The following AGPAT4 variants were observed in gnomAD, a reference collection of about 807,000 sequenced individuals.
AGPAT4 encodes 1-acylglycerol-3-phosphate O-acyltransferase 4.
Under a neutral mutation model 48.0 loss-of-function variants are expected in AGPAT4, and 15 were observed. That is an observed-to-expected ratio of 0.31 (90% confidence interval 0.21 to 0.48). AGPAT4 has a LOEUF of 0.48. AGPAT4 is among the 20% of genes least tolerant of loss of function. The pLI is 0.99. For synonymous variants in AGPAT4, 178 were observed against 198.7 expected (o/e 0.90, Z 0.88); for missense variants, 314 against 482.5 (o/e 0.65, Z 3.27).
intron 2 of AGPAT4, among the ~76,000 whole-genome samples, chr6:161,168,884 T>C (rs1780187445): frequency 6.6e-6 from 1 of 152,152 alleles, no homozygotes; most frequent in African/African-American, 2.4e-5. Flanking sequence ...TTCTGGCATG[T>C]TTCTCAATGT....
At chr6:161,209,946 T>C (rs774518888) in intron 2 of AGPAT4, among the ~76,000 whole-genome samples, 8 of 152,156 alleles carry the variant, frequency 5.3e-5, no homozygotes, top group Non-Finnish European at 1.2e-4. Flanking sequence ...TGTTTTGTTT[T>C]GACTAAAATA....
rs1348277752 is a variant in AGPAT4, at chr6:161,131,148, T to C, written c.*5392A>G. Reference sequence around the variant, plus strand: ...TCCAATATGTAAAACAAGACTGCCTTGTTTTAAAAAAACAAATTAAATGTA... The same window carrying C: ...TCCAATATGTAAAACAAGACTGCCTCGTTTTAAAAAAACAAATTAAATGTA... On this transcript the variant is annotated 3_prime_UTR_variant, in exon 9 of 9. Coordinates refer to ENST00000320285, the MANE Select transcript of AGPAT4 (RefSeq NM_020133.3). 7 of 290,478 alleles carry C rather than the reference T, an allele frequency of 2.4e-5. No individual in the cohort carries two copies. The highest frequency in any genetic ancestry group is 1.5e-4 in the African/African-American group (7 of 45,948). The allele number at this position is 290,478 out of a possible 1,614,324, so 18.0% of individuals were successfully genotyped here.
Position 161,136,436 on chromosome 6 carries a change from C to T in AGPAT4, c.*104G>A. The stretch of plus-strand genomic sequence containing the variant: ...GGAGAGGTCGTGACTTCCGCCGTGC[C>T]CAGCAGGGGCTCACCCAGCCTTTGT... On this transcript the variant is annotated 3_prime_UTR_variant, in exon 9 of 9. Coordinates refer to ENST00000320285, the MANE Select transcript of AGPAT4 (RefSeq NM_020133.3). 1 of 1,044,050 alleles carries T rather than the reference C, an allele frequency of 9.6e-7. No homozygotes were observed. The highest frequency in any genetic ancestry group is 1.6e-5 in the African/African-American group (1 of 64,174). The allele number at this position is 1,044,050 out of a possible 1,614,324, so 64.7% of individuals were successfully genotyped here. A position where few individuals can be genotyped will look rare whatever the true frequency, so the allele number is the denominator to read the frequency against.
At chr6:161,228,618 C>T (rs1351229287) in intron 2 of AGPAT4, among the ~76,000 whole-genome samples, 2 of 119,874 alleles carry the variant, frequency 1.7e-5, no homozygotes, top group African/African-American at 3.5e-5. Context: ...ATAGATTCTC[C>T]TAATCTTTCT....
Position 161,251,965 on chromosome 6 carries a change from A to G in AGPAT4, c.-89-19663T>C, listed in dbSNP as rs1582910338. Among the ~76,000 whole-genome samples, 2 of 152,166 alleles carry G rather than the reference A, an allele frequency of 1.3e-5. No individual in the cohort carries two copies. The highest frequency in any genetic ancestry group is 1.9e-4 in the East Asian group (1 of 5,176). On this transcript the variant is annotated intron_variant, in intron 1 of 8. Coordinates refer to ENST00000320285, the MANE Select transcript of AGPAT4 (RefSeq NM_020133.3). This position sits in a 1 kb window ranked among gnomAD's most constrained non-coding sequence, Gnocchi z 4.6. ...TATGCTGGAGAGTATAATTTTTTGAATTTTTGCATGAGTGAAAAATCAGAC... is the reference window on the plus strand; with the variant it reads ...TATGCTGGAGAGTATAATTTTTTGAGTTTTTGCATGAGTGAAAAATCAGAC...
rs1448407705 is a variant in AGPAT4 at position 161,274,049 on chromosome 6, GGA to G, written c.-203_-202del. 6.6e-6 allele frequency: 1 copy of G among 150,750 alleles called. No homozygotes were observed. Among genetic ancestry groups the G allele is most frequent in the Non-Finnish European group, 1.5e-5 (1 of 67,804 alleles). 9.3% of individuals were successfully genotyped at this position (150,750 alleles called of 1,614,324 possible). ...TAAGAGCTGTAAGTCAGCCAACACT[GGA>G]AAGAAAAAGCGAGACTCCACCCATG... is the stretch of plus-strand genomic sequence containing the variant. On this transcript the variant is annotated 5_prime_UTR_variant, in exon 1 of 9. Transcript: ENST00000320285. The surrounding 1 kb of genome is among the most constrained non-coding windows in gnomAD (Gnocchi z 4.5).
chr6:161,168,876 C>A (rs1367147785), intron 2 of AGPAT4, among the ~76,000 whole-genome samples: 1 of 152,180 alleles, frequency 6.6e-6, no homozygotes, highest in Non-Finnish European at 1.5e-5. Flanking sequence ...TGTGAGACTT[C>A]TGGCATGTTT....
rs1781787420 is a variant in AGPAT4 at position 161,219,949 on chromosome 6, GACA to G, written c.178+12084_178+12086del. Among the ~76,000 whole-genome samples the G allele has an allele frequency of 3.3e-5, 5 of 150,138 alleles. No individual in the cohort carries two copies. Among genetic ancestry groups the G allele is most frequent in the Non-Finnish European group, 7.4e-5 (5 of 67,792 alleles). On this transcript the variant is annotated intron_variant, in intron 2 of 8. Coordinates refer to ENST00000320285, the MANE Select transcript of AGPAT4 (RefSeq NM_020133.3). This position sits in a 1 kb window ranked among gnomAD's most constrained non-coding sequence, Gnocchi z 4.9. ...AGGCAGGCAGGCAGGCAGGCAGGCA[GACA>G]GACAGACAGACAGACAGGCAGGCAG... is the stretch of plus-strand genomic sequence containing the variant.
At position 161,139,558 on chromosome 6, in the gene AGPAT4, G is replaced by A; in HGVS notation, c.906C>T (p.Pro302=). 6.2e-7 allele frequency: 1 copy of A among 1,613,934 alleles called. No homozygotes were observed. Among genetic ancestry groups the A allele is most frequent in the African/African-American group, 1.3e-5 (1 of 75,030 alleles). The part of the protein sequence containing the change: ...GTFPETPMVP[P]RRPWTLVNWL... The stretch of plus-strand genomic sequence containing the variant: ...AGTTCACGAGGGTCCAGGGCCGCCG[G>A]GGGGGCACCATGGGCGTCTCTGGGA... The change falls in exon 8 of 9, where the codon CCC becomes CCT. Residue 302 remains proline, a synonymous_variant. Transcript: ENST00000320285. The surrounding 1 kb of genome is among the most constrained non-coding windows in gnomAD (Gnocchi z 9.1).
Position 161,267,722 on chromosome 6 carries a change from CA to C in AGPAT4, c.-90+6215del, listed in dbSNP as rs113251358. ...GGGCAACAAGAACAAAACTCTGTCT[CA>C]AAAAAAAAAAGAAAAGAAAAATATT... is the stretch of plus-strand genomic sequence containing the variant. On this transcript the variant is annotated intron_variant, in intron 1 of 8. Coordinates refer to ENST00000320285, the MANE Select transcript of AGPAT4 (RefSeq NM_020133.3). This position sits in a 1 kb window ranked among gnomAD's most constrained non-coding sequence, Gnocchi z 5.2. Among the ~76,000 whole-genome samples, 180 of 139,278 alleles carry C rather than the reference CA, an allele frequency of 1.3e-3. No individual in the cohort carries two copies. Among genetic ancestry groups the C allele is most frequent in the Admixed American group, 2.7e-3 (37 of 13,802 alleles). 91.4% of individuals were successfully genotyped at this position (139,278 alleles called of 152,430 possible).
intron 1 of AGPAT4, among the ~76,000 whole-genome samples, chr6:161,239,508 T>C (rs754318834): frequency 6.6e-6 from 1 of 152,214 alleles, no homozygotes; most frequent in Non-Finnish European, 1.5e-5. Flanking sequence ...TTAATATAGA[T>C]TCACATTGCA....
At chr6:161,136,665 T>A in intron 8 of AGPAT4, 31 bp from the exon 9 acceptor site, 1 of 1,597,064 alleles carries the variant, frequency 6.3e-7, no homozygotes, top group Non-Finnish European at 8.6e-7. Context: ...GAGTTAGGAG[T>A]AGCCCAAACA....
At chr6:161,228,813 C>T (rs1236298633) in intron 2 of AGPAT4, among the ~76,000 whole-genome samples, 1 of 152,032 alleles carries the variant, frequency 6.6e-6, no homozygotes, top group Non-Finnish European at 1.5e-5. Context: ...CTCCATCCTC[C>T]CTTCCTCCTT....
rs879923397 is a variant in AGPAT4, at chr6:161,137,061, G to T, written c.1043-427C>A. Among the ~76,000 whole-genome samples, 2 of 152,180 alleles carry T rather than the reference G, an allele frequency of 1.3e-5. No homozygotes were observed. The highest frequency in any genetic ancestry group is 1.3e-4 in the Admixed American group (2 of 15,282). On this transcript the variant is annotated intron_variant, in intron 8 of 8. Coordinates refer to ENST00000320285, the MANE Select transcript of AGPAT4 (RefSeq NM_020133.3). This position sits in a 1 kb window ranked among gnomAD's most constrained non-coding sequence, Gnocchi z 6.1. ...TGGAAGACGCAAGAGCTCGAGTATC[G>T]AGTGCCCAACACGTTTCAGCACTGC... is the stretch of plus-strand genomic sequence containing the variant.
rs1012635958 is a variant in AGPAT4, at chr6:161,141,070, T to G, written c.844-1450A>C. Among the ~76,000 whole-genome samples the G allele has an allele frequency of 6.6e-6, 1 of 152,184 alleles. No individual in the cohort carries two copies. The highest frequency in any genetic ancestry group is 2.4e-5 in the African/African-American group (1 of 41,450). ...AAGTATCTCATACTTTTCTTCTTTT[T>G]CATTCAGGGTGTACTGAATCATAGG... is the stretch of plus-strand genomic sequence containing the variant. On this transcript the variant is annotated intron_variant, in intron 7 of 8. Transcript: ENST00000320285. The surrounding 1 kb of genome is among the most constrained non-coding windows in gnomAD (Gnocchi z 6.7).
rs1183520708 is a variant in AGPAT4 at position 161,242,429 on chromosome 6, C to T, written c.-89-10127G>A. 6.6e-6 allele frequency among the ~76,000 whole-genome samples: 1 copy of T among 152,144 alleles called. No individual in the cohort carries two copies. Among genetic ancestry groups the T allele is most frequent in the Non-Finnish European group, 1.5e-5 (1 of 68,028 alleles). On this transcript the variant is annotated intron_variant, in intron 1 of 8. Transcript: ENST00000320285. This position sits in a 1 kb window ranked among gnomAD's most constrained non-coding sequence, Gnocchi z 5.0. ...ATTTAAGCGACTTCCCTTTCACAGTCAGTCCTGGGGAGCCTCAGTGGCACC... is the reference window on the plus strand; with the variant it reads ...ATTTAAGCGACTTCCCTTTCACAGTTAGTCCTGGGGAGCCTCAGTGGCACC...
Position 161,238,689 on chromosome 6 carries a change from T to C in AGPAT4, c.-89-6387A>G, listed in dbSNP as rs989662571. ...CTGTGTCTCCACCCAAATCTTACCT[T>C]GAATTGTAGTTCCCATAATCTCCAC... On this transcript the variant is annotated intron_variant, in intron 1 of 8. Transcript: ENST00000320285. This position sits in a 1 kb window ranked among gnomAD's most constrained non-coding sequence, Gnocchi z 5.2. 1.1e-4 allele frequency among the ~76,000 whole-genome samples: 16 copies of C among 152,162 alleles called. No homozygotes were observed. Among genetic ancestry groups the C allele is most frequent in the Admixed American group, 1.0e-3 (16 of 15,278 alleles).
chr6:161,176,260 TGTGGGA>T lies in AGPAT4; in HGVS notation c.179-9849_179-9844del, dbSNP rs1014562439. Among the ~76,000 whole-genome samples, 75 of 152,318 alleles carry T rather than the reference TGTGGGA, an allele frequency of 4.9e-4. 2 individuals carry two copies. In the South Asian group the frequency reaches 0.014, roughly 28 times the overall value. On this transcript the variant is annotated intron_variant, in intron 2 of 8. Coordinates refer to ENST00000320285, the MANE Select transcript of AGPAT4 (RefSeq NM_020133.3). ...GTGTTAAAGTCTCCCATTATTATTGTGTGGGAGTCTAAGTCTCTTTGTAGGTCTCTA... is the reference window on the plus strand; with the variant it reads ...GTGTTAAAGTCTCCCATTATTATTGTGTCTAAGTCTCTTTGTAGGTCTCTA...
chr6:161,247,781 G>A (rs773538844), intron 1 of AGPAT4, among the ~76,000 whole-genome samples: 1 of 151,908 alleles, frequency 6.6e-6, no homozygotes, highest in Non-Finnish European at 1.5e-5. Flanking sequence ...TCAGGAGTTC[G>A]AGACCAGCCT....
Sources: allele counts gnomAD v4.1 joint callset (sites outside exome capture counted in the v4.1 genomes callset), GRCh38; gene constraint gnomAD v4.1.1; non-coding constraint Gnocchi (gnomAD v3.1); transcripts MANE v1.5; gene names NCBI Gene and HGNC (gene_info 2026-07-23, HGNC 2026-07-21).